CD300LG: variants seen among roughly 807,000 people sequenced by gnomAD.
The protein encoded by CD300LG is CD300 molecule like family member g.
A neutral mutation model predicts 31.5 loss-of-function variants in CD300LG; 29 were observed. The observed-to-expected ratio is 0.92, with a 90% CI of 0.68 to 1.25. CD300LG has a LOEUF of 1.25. Among genes scored for constraint, CD300LG ranks in the 50% most tolerant of loss-of-function variants. The pLI is 0.00. For synonymous variants in CD300LG, 175 were observed against 177.2 expected, an observed-to-expected ratio of 0.99 and a Z score of 0.10; for missense variants, 396 against 417.6, an observed-to-expected ratio of 0.95 and a Z score of 0.45.
chr17:43,851,679 C>T lies in CD300LG; in HGVS notation c.380-1233C>T, dbSNP rs186891734. Among the ~76,000 whole-genome samples, 726 of 137,840 alleles carry T rather than the reference C, an allele frequency of 5.3e-3. 2 individuals carry two copies. The highest frequency in any genetic ancestry group is 7.9e-3 in the Non-Finnish European group (519 of 65,744). The allele number at this position is 137,840 out of a possible 152,430, so 90.4% of individuals were successfully genotyped here. Reference sequence around the variant, plus strand: ...TTTTTTTTTTTTTGAGACGGAGTCTCGCTCTGTCGCCCAGGCTGGAGTGCA... The same window carrying T: ...TTTTTTTTTTTTTGAGACGGAGTCTTGCTCTGTCGCCCAGGCTGGAGTGCA... On this transcript the variant is annotated intron_variant, in intron 2 of 6. Coordinates refer to ENST00000317310, the MANE Select transcript of CD300LG (RefSeq NM_145273.4).
intron 6 of CD300LG, 139 bp downstream of exon 6, chr17:43,857,295 G>A: frequency 6.9e-7 from 1 of 1,443,072 alleles, no homozygotes; most frequent in Non-Finnish European, 9.5e-7. Context: ...CCACCTTGGA[G>A]GAATGTGTGT....
chr17:43,858,702 A>G (rs2046592114), intron 6 of CD300LG: 4 of 985,302 alleles, frequency 4.1e-6, no homozygotes, highest in Non-Finnish European at 4.8e-6. Context: ...GCTTCTCCAT[A>G]GGATTTAGCA....
chr17:43,857,208 A>C, intron 6 of CD300LG, 52 bp downstream of exon 6: 5 of 1,602,322 alleles, frequency 3.1e-6, no homozygotes, highest in Non-Finnish European at 4.3e-6. Context: ...TGGGGCTGGA[A>C]GTCAAGATTC....
At chr17:43,859,579 G>T (rs975857245) in intron 6 of CD300LG, among the ~76,000 whole-genome samples, 2 of 152,220 alleles carry the variant, frequency 1.3e-5, no homozygotes, top group African/African-American at 4.8e-5. Flanking sequence ...TTCTGCAGCT[G>T]CTGGTGGTCC....
intron 6 of CD300LG, chr17:43,861,256 A>G (rs1164444368): frequency 1.0e-6 from 1 of 985,240 alleles, no homozygotes; most frequent in African/African-American, 1.7e-5. Context: ...TAAGCCAAGT[A>G]TGGACAGAAG....
rs781414083 is a variant in CD300LG at position 43,848,763 on chromosome 17, C to G, written c.249C>G (p.Asp83Glu). The G allele has an allele frequency of 1.9e-6, 3 of 1,614,164 alleles. No individual in the cohort carries two copies. Among genetic ancestry groups the G allele is most frequent in the Non-Finnish European group, 2.5e-6 (3 of 1,180,036 alleles). Residue 83 changes from aspartate to glutamate, a missense_variant, in exon 2 of 7, where the codon GAC becomes GAG. Coordinates refer to ENST00000317310, the MANE Select transcript of CD300LG (RefSeq NM_145273.4). ...ETMKGRVSIRDSRQELSLIVT... is the reference protein window; with the variant it reads ...ETMKGRVSIRESRQELSLIVT... ...TGAAGGGCAGGGTGTCCATCCGTGA[C>G]AGCCGCCAGGAGCTCTCGCTCATTG... is the stretch of plus-strand genomic sequence containing the variant.
chr17:43,859,700 C>T (rs564635158), intron 6 of CD300LG, among the ~76,000 whole-genome samples: 33 of 152,196 alleles, frequency 2.2e-4, no homozygotes, highest in African/African-American at 6.3e-4. Context: ...TGCACCAAGG[C>T]CCCCTCTGTC....
intron 5 of CD300LG, among the ~76,000 whole-genome samples, chr17:43,856,170 G>C (rs1205201542): frequency 1.3e-5 from 2 of 152,134 alleles, no homozygotes; most frequent in Non-Finnish European, 2.9e-5. Context: ...TTATCATTTT[G>C]ATATGGAATC....
At chr17:43,857,645 A>C in intron 6 of CD300LG, 1 of 1,144,436 alleles carries the variant, frequency 8.7e-7, no homozygotes. Context: ...GGACTCTGGC[A>C]GTGCTACAAA....
intron 3 of CD300LG, 46 bp from the exon 4 acceptor site, chr17:43,853,761 T>C (rs372449182): frequency 2.3e-5 from 34 of 1,496,364 alleles, no homozygotes; most frequent in Middle Eastern, 1.7e-4. Context: ...GATGCTGGGA[T>C]GCAAGGGTCA....
intron 6 of CD300LG, among the ~76,000 whole-genome samples, chr17:43,860,408 C>T (rs2046627092): frequency 6.6e-6 from 1 of 152,244 alleles, no homozygotes; most frequent in Admixed American, 6.5e-5. Flanking sequence ...GCCCATTTGG[C>T]CATGGGATTC....
In CD300LG at chr17:43,854,032, G is replaced by C. The variant is rs370495086; in HGVS notation, c.707G>C (p.Ser236Thr). The C allele has an allele frequency of 1.4e-5, 23 of 1,613,524 alleles. No homozygotes were observed. In the African/African-American group the frequency reaches 2.7e-4, roughly 19 times the overall value. The change falls in exon 4 of 7, where the codon AGC becomes ACC. Residue 236 changes from serine to threonine, a missense_variant. Physicochemically the swap from Ser to Thr is moderately conservative, Grantham distance 58. Coordinates refer to ENST00000317310, the MANE Select transcript of CD300LG (RefSeq NM_145273.4). Reference sequence around the variant, plus strand: ...ACCAGTCCAGCTCTCAGCAGTGGCAGCTCTAAGCCCAGGTGAGCCCCAGGT... The same window carrying C: ...ACCAGTCCAGCTCTCAGCAGTGGCACCTCTAAGCCCAGGTGAGCCCCAGGT... ...EDTSPALSSG[S>T]SKPRVSIPMV...
Position 43,848,680 on chromosome 17 carries a change from A to T in CD300LG, c.166A>T (p.Ile56Phe). Residue 56 changes from isoleucine to phenylalanine, a missense_variant, in exon 2 of 7, where the codon ATC (isoleucine) becomes TTC (phenylalanine). Ile to Phe is a conservative substitution (Grantham distance 21). Coordinates refer to ENST00000317310, the MANE Select transcript of CD300LG (RefSeq NM_145273.4). ...GAAGTACTGGTGCAGGAAGGGTGGG[A>T]TCCTCTTCTCTCGCTGCTCTGGCAC... Reference protein sequence around the residue: ...HRKYWCRKGGILFSRCSGTIY... With the variant: ...HRKYWCRKGGFLFSRCSGTIY... 2 of 1,614,086 alleles carry T rather than the reference A, an allele frequency of 1.2e-6. No homozygotes were observed. Among genetic ancestry groups the T allele is most frequent in the Non-Finnish European group, 1.7e-6 (2 of 1,180,004 alleles).
intron 6 of CD300LG, chr17:43,861,337 G>A: frequency 2.1e-6 from 2 of 961,258 alleles, no homozygotes. Context: ...GAAGTGGAAG[G>A]AGGCCTTTTC....
intron 2 of CD300LG, chr17:43,850,055 T>C (rs946276762): frequency 6.6e-6 from 1 of 152,240 alleles, no homozygotes; most frequent in Non-Finnish European, 1.5e-5. Flanking sequence ...TGTAATTCTT[T>C]ATTTGTGTAT....
chr17:43,861,175 C>A (rs2046645958), intron 6 of CD300LG: 7 of 985,402 alleles, frequency 7.1e-6, no homozygotes, highest in Non-Finnish European at 8.4e-6. Flanking sequence ...CTGTGATCAA[C>A]CTTGCAGGGC....
chr17:43,857,563 G>C (rs1366452994), intron 6 of CD300LG: 3 of 1,341,808 alleles, frequency 2.2e-6, no homozygotes, highest in Non-Finnish European at 3.1e-6. Context: ...AACGCCCAGG[G>C]GTCAGGGAGC....
intron 2 of CD300LG, among the ~76,000 whole-genome samples, chr17:43,851,133 CAAAAAAAAAAAAA>C (rs777282117): frequency 4.9e-5 from 2 of 40,616 alleles, no homozygotes; most frequent in African/African-American, 9.3e-5. Context: ...GACTCAGTCT[CAAAAAAAAAAAAA>C]AAAAAAAAAA....
intron 2 of CD300LG, among the ~76,000 whole-genome samples, chr17:43,850,126 A>G (rs1239421441): frequency 2.0e-5 from 3 of 152,190 alleles, no homozygotes; most frequent in Non-Finnish European, 4.4e-5. Context: ...CTCTGATGGC[A>G]GTTGGGATGT....
Sources: gnomAD v4.1 joint callset for allele counts (sites outside exome capture counted in the v4.1 genomes callset) on GRCh38, gnomAD v4.1.1 for gene constraint, MANE v1.5 for transcripts, NCBI Gene and HGNC (gene_info 2026-07-23, HGNC 2026-07-21) for gene names.